The following CFAP47 variants were observed in gnomAD, a reference collection of about 807,000 sequenced individuals.
CFAP47 encodes the protein cilia and flagella associated protein 47, also known as cilia- and flagella-associated protein 47.
CFAP47 carries 29 observed loss-of-function variants against 148.1 expected under a neutral mutation model. That is an observed-to-expected ratio of 0.20 (90% CI 0.15 to 0.27). The LOEUF (loss-of-function observed/expected upper bound fraction) is 0.27, where lower values mean the gene tolerates loss of function less well. Among genes scored for constraint, CFAP47 ranks in the 10% least tolerant of loss-of-function variants. CFAP47 has a pLI of 1.00. For missense variants in CFAP47, 1,872 were observed against 1,697.5 expected (o/e 1.10, Z -1.81); for synonymous variants, 664 against 577.3 (o/e 1.15, Z -2.15).
intron 3 of CFAP47, among the ~76,000 whole-genome samples, chrX:35,946,293 G>T (rs1027720821): frequency 1.8e-5 from 2 of 111,750 alleles, no homozygotes; most frequent in Non-Finnish European, 3.8e-5. Flanking sequence ...TAGTAATGTT[G>T]ACATACCTGC....
intron 2 of CFAP47, among the ~76,000 whole-genome samples, chrX:35,940,847 G>T (rs939913202): frequency 9.0e-6 from 1 of 111,575 alleles, no homozygotes; most frequent in Admixed American, 9.6e-5. Context: ...TTACAAACTT[G>T]TAGGAACACA....
intron 47 of CFAP47, 77 bp downstream of exon 47, chrX:36,236,154 T>G (rs1940462416): frequency 2.8e-6 from 1 of 358,263 alleles, no homozygotes; most frequent in South Asian, 9.2e-5. Context: ...GACATTAGTC[T>G]TTTAATTGAT....
chrX:36,013,455 T>A (rs899842115), intron 21 of CFAP47, among the ~76,000 whole-genome samples: 21 of 111,909 alleles, frequency 1.9e-4, no homozygotes, highest in African/African-American at 6.5e-4. Context: ...TATGAACAAT[T>A]AACAAATGTA....
intron 8 of CFAP47, among the ~76,000 whole-genome samples, chrX:35,965,652 A>G (rs1936390882): frequency 8.9e-6 from 1 of 111,887 alleles, no homozygotes; most frequent in Admixed American, 9.5e-5. Context: ...ATATGCATAC[A>G]CAGAGTAATA....
At chrX:35,989,238 A>C in intron 15 of CFAP47, 81 bp from the exon 16 acceptor site, 1 of 745,325 alleles carries the variant, frequency 1.3e-6, no homozygotes, top group Non-Finnish European at 2.0e-6. Context: ...TTTTTACCTT[A>C]ACTCTTATTT....
intron 1 of CFAP47, among the ~76,000 whole-genome samples, chrX:35,921,488 A>G (rs1935576660): frequency 8.9e-6 from 1 of 112,042 alleles, no homozygotes; most frequent in African/African-American, 3.2e-5. Context: ...GCTGGTGGTA[A>G]TAATGTTTGG....
At chrX:36,242,237 A>G (rs1940554175) in intron 48 of CFAP47, among the ~76,000 whole-genome samples, 1 of 112,336 alleles carries the variant, frequency 8.9e-6, no homozygotes, top group Admixed American at 9.4e-5. Context: ...GAATCAATGC[A>G]AGAACTTTGG....
At chrX:36,145,944 G>T (rs776454452) in intron 36 of CFAP47, among the ~76,000 whole-genome samples, 1 of 110,092 alleles carries the variant, frequency 9.1e-6, no homozygotes, top group South Asian at 3.8e-4. Context: ...TGAAAAGAAA[G>T]CCTCCTCTTC....
intron 10 of CFAP47, 115 bp from the exon 11 acceptor site, chrX:35,970,653 T>C: frequency 2.1e-6 from 1 of 484,807 alleles, no homozygotes; most frequent in Non-Finnish European, 3.4e-6. Flanking sequence ...GAATCTGTTC[T>C]ATTTGCCATT....
chrX:36,132,752 C>T (rs1938970856), intron 33 of CFAP47, among the ~76,000 whole-genome samples: 1 of 111,715 alleles, frequency 9.0e-6, no homozygotes, highest in African/African-American at 3.2e-5. Flanking sequence ...CATTGTCATC[C>T]TATTCTTACT....
intron 15 of CFAP47, among the ~76,000 whole-genome samples, chrX:35,987,284 C>A (rs921990829): frequency 8.9e-6 from 1 of 111,736 alleles, no homozygotes; most frequent in African/African-American, 3.3e-5. Flanking sequence ...GCTGCTGCTG[C>A]ATTTCCTTCA....
intron 29 of CFAP47, among the ~76,000 whole-genome samples, chrX:36,083,821 G>A (rs1016456524): frequency 9.1e-6 from 1 of 110,413 alleles, no homozygotes; most frequent in African/African-American, 3.3e-5. Context: ...ACTATATATA[G>A]GCAACTATGG....
At chrX:36,052,291 G>A (rs958782553) in intron 26 of CFAP47, among the ~76,000 whole-genome samples, 2 of 111,958 alleles carry the variant, frequency 1.8e-5, no homozygotes, top group African/African-American at 6.5e-5. Context: ...ATAGTAGAAT[G>A]ATTGACCTTT....
intron 33 of CFAP47, among the ~76,000 whole-genome samples, chrX:36,105,341 C>T (rs1209575661): frequency 9.0e-6 from 1 of 111,506 alleles, no homozygotes; most frequent in Non-Finnish European, 1.9e-5. Flanking sequence ...GGCCATTGTT[C>T]CTTTAGCTTC....
intron 57 of CFAP47, among the ~76,000 whole-genome samples, chrX:36,337,928 G>T (rs1401491614): frequency 1.0e-5 from 1 of 97,072 alleles, no homozygotes; most frequent in African/African-American, 3.8e-5. Flanking sequence ...GTGCGGTGTG[G>T]CGCGATCTCG....
At chrX:36,372,020 A>G (rs1299084443) in intron 62 of CFAP47, among the ~76,000 whole-genome samples, 1 of 102,663 alleles carries the variant, frequency 9.7e-6, no homozygotes, top group Non-Finnish European at 2.0e-5. Flanking sequence ...ATCTATGTGT[A>G]TATGTATATA....
chrX:36,262,887 T>C (rs1940846349), intron 49 of CFAP47, among the ~76,000 whole-genome samples: 1 of 112,323 alleles, frequency 8.9e-6, no homozygotes, highest in Non-Finnish European at 1.9e-5. Context: ...TGTTATTGCC[T>C]GCCTTTTGGA....
At chrX:35,974,993 G>T in intron 13 of CFAP47, among the ~76,000 whole-genome samples, 154 bp from the exon 14 acceptor site, 1 of 111,527 alleles carries the variant, frequency 9.0e-6, no homozygotes, top group Non-Finnish European at 1.9e-5. Context: ...GAAAAAAAAT[G>T]CTTACTTAAT....
chrX:36,245,796 C>T (rs1940608365), intron 48 of CFAP47, among the ~76,000 whole-genome samples: 1 of 111,312 alleles, frequency 9.0e-6, no homozygotes, highest in Non-Finnish European at 1.9e-5. Flanking sequence ...TCAAAAAACC[C>T]TACAAAAACA....
Sources: allele counts gnomAD v4.1 joint callset (sites outside exome capture counted in the v4.1 genomes callset), GRCh38; gene constraint gnomAD v4.1.1; transcripts MANE v1.5; gene names NCBI Gene and HGNC (gene_info 2026-07-23, HGNC 2026-07-21).